HPSE2: variants seen among roughly 807,000 people sequenced by gnomAD.
HPSE2 encodes the protein inactive heparanase-2.
In HPSE2, 38 loss-of-function variants were observed where a neutral mutation model predicts 60.5. That is an observed-to-expected ratio of 0.63 (90% CI 0.48 to 0.82). HPSE2 has a LOEUF of 0.82. Ranked by LOEUF, HPSE2 falls within the 40% of genes least tolerant of loss-of-function variation. The probability of loss-of-function intolerance (pLI) is 0.00; values close to 1 mark genes in which losing one functional copy is unlikely to be tolerated. For missense variants in HPSE2, 713 were observed against 740.4 expected, an observed-to-expected ratio of 0.96 and a Z score of 0.43; for synonymous variants, 295 against 293.2, an observed-to-expected ratio of 1.01 and a Z score of -0.06.
intron 3 of HPSE2, among the ~76,000 whole-genome samples, chr10:99,044,516 T>G (rs1957811340): frequency 6.6e-6 from 1 of 152,122 alleles, no homozygotes; most frequent in South Asian, 2.1e-4. Context: ...AAAGTAACGC[T>G]GAATGTAAAT....
chr10:98,984,187 C>T (rs1213646335), intron 3 of HPSE2, among the ~76,000 whole-genome samples: 1 of 152,242 alleles, frequency 6.6e-6, no homozygotes, highest in African/African-American at 2.4e-5. Context: ...AACGGGCAGA[C>T]TGCCTCCTCA....
rs747811574 is a variant in HPSE2, at chr10:98,490,195, T to C, written c.1322A>G (p.Asp441Gly). 17 of 1,613,922 alleles carry C rather than the reference T, an allele frequency of 1.1e-5. No homozygotes were observed. In the South Asian group the frequency reaches 1.8e-4, roughly 17 times the overall value. ...LVDQNFNPLP[D>G]YWLSLLYKRL... ...CTTGTAGAGGAGAGAGAGCCAGTAG[T>C]CCTGAGGAGAATAGAGAGGGAGAGG... Residue 441 changes from aspartate to glycine, a missense_variant and splice_region_variant, in exon 10 of 12, where the codon GAC (aspartate) becomes GGC (glycine). Asp to Gly is a moderately conservative substitution (Grantham distance 94, BLOSUM62 -1). Transcript: ENST00000370552.
intron 3 of HPSE2, among the ~76,000 whole-genome samples, chr10:99,015,726 AG>A (rs998262818): frequency 1.1e-4 from 17 of 152,168 alleles, no homozygotes; most frequent in African/African-American, 3.6e-4. Context: ...TTAAAGGACG[AG>A]TTAATGGGTG....
At chr10:98,904,493 T>G (rs1164689732) in intron 3 of HPSE2, among the ~76,000 whole-genome samples, 1 of 152,162 alleles carries the variant, frequency 6.6e-6, no homozygotes. Context: ...ATCACATAAA[T>G]TTTCTTTTAA....
Position 98,625,868 on chromosome 10 carries a change from C to T in HPSE2, c.1099-5160G>A, listed in dbSNP as rs142918465. On this transcript the variant is annotated intron_variant, in intron 7 of 11. Coordinates refer to ENST00000370552, the MANE Select transcript of HPSE2 (RefSeq NM_021828.5). ...CTGTAATCCCAGCACTTTGGGAGGCCGAGGTGGGCGGATCTCAAGGTCAAG... is the reference window on the plus strand; with the variant it reads ...CTGTAATCCCAGCACTTTGGGAGGCTGAGGTGGGCGGATCTCAAGGTCAAG... 1.7e-3 allele frequency among the ~76,000 whole-genome samples: 253 copies of T among 152,038 alleles called. 3 individuals are homozygous for T. The highest frequency in any genetic ancestry group is 5.6e-3 in the African/African-American group (232 of 41,480).
chr10:98,615,834 A>G (rs1050359153), intron 8 of HPSE2, among the ~76,000 whole-genome samples: 1 of 152,214 alleles, frequency 6.6e-6, no homozygotes, highest in African/African-American at 2.4e-5. Flanking sequence ...AATAATACAT[A>G]GAATAAATGT....
At chr10:99,219,897 T>G (rs1849252231) in intron 2 of HPSE2, among the ~76,000 whole-genome samples, 1 of 152,220 alleles carries the variant, frequency 6.6e-6, no homozygotes, top group Non-Finnish European at 1.5e-5. Flanking sequence ...CTTTATTTGT[T>G]GGCTGATTAG....
intron 3 of HPSE2, among the ~76,000 whole-genome samples, chr10:98,894,151 C>T (rs1953416476): frequency 6.6e-6 from 1 of 152,094 alleles, no homozygotes; most frequent in Non-Finnish European, 1.5e-5. Context: ...CCCAAAAGCA[C>T]CTGGCAAAAC....
chr10:99,162,625 C>G (rs1163877544), intron 2 of HPSE2, among the ~76,000 whole-genome samples: 1 of 152,128 alleles, frequency 6.6e-6, no homozygotes, highest in Non-Finnish European at 1.5e-5. Context: ...TCCTAATATT[C>G]CCAAGCCAAA....
chr10:98,791,876 C>T (rs1200350229), intron 3 of HPSE2, among the ~76,000 whole-genome samples: 1 of 152,062 alleles, frequency 6.6e-6, no homozygotes, highest in Non-Finnish European at 1.5e-5. Flanking sequence ...TTTTCTGTTA[C>T]TTGATTTCTA....
chr10:98,938,032 T>A (rs1320001753), intron 3 of HPSE2, among the ~76,000 whole-genome samples: 2 of 143,060 alleles, frequency 1.4e-5, no homozygotes, highest in Admixed American at 6.9e-5. Flanking sequence ...GAGGGTCCTG[T>A]CTGTTAGAAG....
At chr10:99,207,910 A>T (rs1162876173) in intron 2 of HPSE2, among the ~76,000 whole-genome samples, 2 of 151,620 alleles carry the variant, frequency 1.3e-5, no homozygotes, top group African/African-American at 4.8e-5. Flanking sequence ...TCTCTTATAC[A>T]TACATACCTA....
At chr10:98,587,478 T>C (rs981093055) in intron 9 of HPSE2, among the ~76,000 whole-genome samples, 4 of 152,226 alleles carry the variant, frequency 2.6e-5, no homozygotes. Flanking sequence ...GTTTCTACTT[T>C]GTAAATTAAG....
At chr10:98,824,827 A>C (rs1353285408) in intron 3 of HPSE2, among the ~76,000 whole-genome samples, 2 of 152,182 alleles carry the variant, frequency 1.3e-5, no homozygotes, top group East Asian at 3.8e-4. Context: ...AAACCTCTTC[A>C]AATGTTCCTT....
the HPSE2 span, among the ~76,000 whole-genome samples, chr10:99,301,554 T>A: frequency 6.6e-6 from 1 of 152,234 alleles, no homozygotes; most frequent in Non-Finnish European, 1.5e-5. Context: ...TTAAACCTCT[T>A]TCCTTTGCAA....
chr10:98,964,052 T>C (rs1050488322), intron 3 of HPSE2, among the ~76,000 whole-genome samples: 1 of 152,174 alleles, frequency 6.6e-6, no homozygotes, highest in African/African-American at 2.4e-5. Context: ...AGCACGTCTA[T>C]TACTATATGA....
At chr10:98,807,021 T>C (rs2134552709) in intron 3 of HPSE2, among the ~76,000 whole-genome samples, 1 of 152,248 alleles carries the variant, frequency 6.6e-6, no homozygotes, top group Non-Finnish European at 1.5e-5. Flanking sequence ...CAGGCATCTG[T>C]AATCCCAGCT....
rs141922755 is a variant in HPSE2 at position 98,911,354 on chromosome 10, C to T, written c.611-167298G>A. Among the ~76,000 whole-genome samples the T allele has an allele frequency of 2.1e-3, 327 of 152,270 alleles. 2 individuals are homozygous for T. The highest frequency in any genetic ancestry group is 7.2e-3 in the African/African-American group (301 of 41,552). ...GGAATAGATACATAAATGATTAAGG[C>T]TCCTTGCATGTGTAATGGAAGTGCA... is the stretch of plus-strand genomic sequence containing the variant. On this transcript the variant is annotated intron_variant, in intron 3 of 11. Transcript: ENST00000370552.
intron 2 of HPSE2, among the ~76,000 whole-genome samples, chr10:99,213,522 C>T (rs185439997): frequency 6.6e-6 from 1 of 152,124 alleles, no homozygotes; most frequent in Non-Finnish European, 1.5e-5. Flanking sequence ...ACCACACCCA[C>T]ACACAACTTC....
Sources: gnomAD v4.1 joint callset for allele counts (sites outside exome capture counted in the v4.1 genomes callset) on GRCh38, gnomAD v4.1.1 for gene constraint, MANE v1.5 for transcripts, NCBI Gene and HGNC (gene_info 2026-07-23, HGNC 2026-07-21) for gene names.